TEX2: variants seen among roughly 807,000 people sequenced by gnomAD.
The protein encoded by TEX2 is testis expressed 2.
TEX2 carries 53 observed loss-of-function variants against 106.9 expected under a neutral mutation model. That is an observed-to-expected ratio of 0.50 (90% CI 0.40 to 0.62). The LOEUF (loss-of-function observed/expected upper bound fraction) is 0.62. TEX2 is among the 20% of genes least tolerant of loss of function. The pLI is 0.00. For missense variants in TEX2, 1,207 were observed against 1,379.0 expected (o/e 0.88, Z 1.98); for synonymous variants, 523 against 534.8 (o/e 0.98, Z 0.30).
chr17:64,199,972 C>A (rs2032605633), intron 2 of TEX2, among the ~76,000 whole-genome samples: 1 of 152,146 alleles, frequency 6.6e-6, no homozygotes, highest in African/African-American at 2.4e-5. Flanking sequence ...CAGTTTTCTG[C>A]CATTTTATTA....
chr17:64,165,551 A>G (rs1044012477), intron 7 of TEX2, among the ~76,000 whole-genome samples: 1 of 152,240 alleles, frequency 6.6e-6, no homozygotes, highest in Non-Finnish European at 1.5e-5. Flanking sequence ...GCTCAGGCCC[A>G]GGCAGCCCCA....
Position 64,213,495 on chromosome 17 carries a change from T to A in TEX2, c.723A>T (p.Lys241Asn). 2 of 1,614,084 alleles carry A rather than the reference T, an allele frequency of 1.2e-6. No individual in the cohort carries two copies. The highest frequency in any genetic ancestry group is 1.7e-6 in the Non-Finnish European group (2 of 1,179,974). ...DTVSYKPPDS[K>N]LNLHLFKQFT... ...ACTGCTTGAACAGGTGTAAGTTCAGTTTGGAATCAGGTGGCTTATAGGACA... is the reference window on the plus strand; with the variant it reads ...ACTGCTTGAACAGGTGTAAGTTCAGATTGGAATCAGGTGGCTTATAGGACA... The change falls in exon 2 of 12, where the codon AAA becomes AAT. Residue 241 changes from lysine (K) to asparagine (N), a missense_variant. Transcript: ENST00000584379. The surrounding 1 kb of genome is among the most constrained non-coding windows in gnomAD (Gnocchi z 4.4).
At chr17:64,247,653 C>T (rs1385874908) in intron 1 of TEX2, among the ~76,000 whole-genome samples, 1 of 152,200 alleles carries the variant, frequency 6.6e-6, no homozygotes, top group African/African-American at 2.4e-5. Context: ...GCTCCAGGTT[C>T]TTCTACCGTG....
At chr17:64,157,178 A>T (rs2030671738) in intron 8 of TEX2, among the ~76,000 whole-genome samples, 1 of 152,230 alleles carries the variant, frequency 6.6e-6, no homozygotes, top group Admixed American at 6.5e-5. Context: ...TTATGACCTC[A>T]GCATGAACTT....
At chr17:64,242,717 C>A (rs2033910347) in intron 1 of TEX2, among the ~76,000 whole-genome samples, 1 of 152,130 alleles carries the variant, frequency 6.6e-6, no homozygotes, top group Non-Finnish European at 1.5e-5. Flanking sequence ...TCATAACGTA[C>A]TTTGTTAAAA....
chr17:64,184,868 C>G (rs753607693), intron 5 of TEX2, among the ~76,000 whole-genome samples: 4 of 152,188 alleles, frequency 2.6e-5, no homozygotes, highest in Non-Finnish European at 4.4e-5. Context: ...TTTGTTTTAG[C>G]ACTCTTGTCT....
chr17:64,253,696 G>A (rs1002519211), intron 1 of TEX2, among the ~76,000 whole-genome samples: 3 of 152,124 alleles, frequency 2.0e-5, no homozygotes, highest in Non-Finnish European at 2.9e-5. Context: ...AGATAAGGGC[G>A]AAAGGAGGGA....
intron 1 of TEX2, among the ~76,000 whole-genome samples, chr17:64,233,445 C>G (rs952770187): frequency 6.6e-6 from 1 of 152,096 alleles, no homozygotes; most frequent in Non-Finnish European, 1.5e-5. Flanking sequence ...CGGTGGCAGG[C>G]GCCTGTAATC....
intron 2 of TEX2, among the ~76,000 whole-genome samples, chr17:64,197,156 T>C (rs2032501437): frequency 1.3e-5 from 2 of 151,978 alleles, no homozygotes; most frequent in Non-Finnish European, 2.9e-5. Flanking sequence ...TTGGGAAGTG[T>C]TCCCTCTTCT....
intron 5 of TEX2, among the ~76,000 whole-genome samples, chr17:64,187,179 GTTATC>G (rs1295918653): frequency 2.0e-5 from 3 of 152,178 alleles, no homozygotes; most frequent in Admixed American, 6.5e-5. Flanking sequence ...GCTTACAGGA[GTTATC>G]TTATCAGAGA....
At chr17:64,245,317 T>C (rs1442518428) in intron 1 of TEX2, among the ~76,000 whole-genome samples, 1 of 152,208 alleles carries the variant, frequency 6.6e-6, no homozygotes, top group Non-Finnish European at 1.5e-5. Context: ...CTCAAACCCA[T>C]TATCCTAATT....
chr17:64,254,413 A>G (rs1301687502), intron 1 of TEX2, among the ~76,000 whole-genome samples: 1 of 152,132 alleles, frequency 6.6e-6, no homozygotes, highest in African/African-American at 2.4e-5. Flanking sequence ...GGTTTAATAA[A>G]CCCTGGAGCT....
At chr17:64,250,423 A>C (rs1555636798) in intron 1 of TEX2, among the ~76,000 whole-genome samples, 1 of 152,166 alleles carries the variant, frequency 6.6e-6, no homozygotes, top group Non-Finnish European at 1.5e-5. Flanking sequence ...TGCCCTCTGG[A>C]TGGCTTTTCC....
intron 1 of TEX2, among the ~76,000 whole-genome samples, chr17:64,241,536 A>G (rs1316419941): frequency 6.6e-6 from 1 of 152,236 alleles, no homozygotes; most frequent in Non-Finnish European, 1.5e-5. Context: ...TAAAAATAAC[A>G]GCGGGTCTCA....
chr17:64,253,333 C>CT lies in TEX2; in HGVS notation c.-26+9834dup, dbSNP rs71158311. Among the ~76,000 whole-genome samples, 67 of 39,490 alleles carry CT rather than the reference C, an allele frequency of 1.7e-3. No individual in the cohort carries two copies. The East Asian group carries it at 0.023, about 14-fold the overall frequency. The allele number at this position is 39,490 out of a possible 152,430, so 25.9% of individuals were successfully genotyped here. A position where few individuals can be genotyped will look rare whatever the true frequency, so the allele number is the denominator to read the frequency against. On this transcript the variant is annotated intron_variant, in intron 1 of 11. Coordinates refer to ENST00000584379, the MANE Select transcript of TEX2 (RefSeq NM_001288732.2). Reference sequence around the variant, plus strand: ...TTAATTTTTCCTTCTTTCTTTCTTTCTTTTTTTTTTTTTTGTAGACAGGGT... The same window carrying CT: ...TTAATTTTTCCTTCTTTCTTTCTTTCTTTTTTTTTTTTTTTGTAGACAGGGT...
intron 5 of TEX2, among the ~76,000 whole-genome samples, chr17:64,183,049 G>T (rs979040358): frequency 2.6e-5 from 4 of 151,964 alleles, no homozygotes; most frequent in Admixed American, 2.6e-4. Context: ...GGGACTACAG[G>T]CGTGCACTAC....
intron 2 of TEX2, among the ~76,000 whole-genome samples, chr17:64,210,052 A>C (rs544727418): frequency 2.4e-4 from 37 of 152,344 alleles, no homozygotes; most frequent in Non-Finnish European, 5.1e-4. Flanking sequence ...TCAGTGCTCA[A>C]ACCAGTTTAA....
rs2033121360 is a variant in TEX2, at chr17:64,214,232, G to C, written c.-15C>G. On this transcript the variant is annotated 5_prime_UTR_variant, in exon 2 of 12. Coordinates refer to ENST00000584379, the MANE Select transcript of TEX2 (RefSeq NM_001288732.2). The stretch of plus-strand genomic sequence containing the variant: ...AGACTTGTCATTGCCGGCTTCACAA[G>C]GGCTCAGGCTCTGTGAAAACAGTGA... 6.2e-7 allele frequency: 1 copy of C among 1,602,106 alleles called. No homozygotes were observed. Among genetic ancestry groups the C allele is most frequent in the Non-Finnish European group, 8.5e-7 (1 of 1,171,604 alleles).
intron 8 of TEX2, 100 bp from the exon 9 acceptor site, chr17:64,155,067 G>A: frequency 7.4e-7 from 1 of 1,347,816 alleles, no homozygotes; most frequent in Non-Finnish European, 9.6e-7. Flanking sequence ...CCACAACAGG[G>A]TCGGGATGTA....
Sources: allele counts gnomAD v4.1 joint callset (sites outside exome capture counted in the v4.1 genomes callset), GRCh38; gene constraint gnomAD v4.1.1; non-coding constraint Gnocchi (gnomAD v3.1); transcripts MANE v1.5; gene names NCBI Gene and HGNC (gene_info 2026-07-23, HGNC 2026-07-21).